Variants in RBBP8 observed in about 807,000 individuals in gnomAD.
RBBP8 encodes RB binding protein 8, endonuclease.
A neutral mutation model predicts 108.3 loss-of-function variants in RBBP8; 88 were observed. The observed-to-expected ratio is 0.81, with a 90% CI of 0.68 to 0.97. The LOEUF (loss-of-function observed/expected upper bound fraction) is 0.97. Ranked by LOEUF, RBBP8 falls within the 50% of genes least tolerant of loss-of-function variation. The pLI, the probability that RBBP8 is intolerant of heterozygous loss-of-function variation, is 0.00. For synonymous variants in RBBP8, 332 were observed against 348.2 expected, an observed-to-expected ratio of 0.95 and a Z score of 0.52; for missense variants, 1,023 against 1,049.0, an observed-to-expected ratio of 0.98 and a Z score of 0.34.
intron 16 of RBBP8, 108 bp downstream of exon 16, chr18:23,006,540 C>CTTTAAAA: frequency 1.0e-6 from 1 of 988,810 alleles, no homozygotes; most frequent in Non-Finnish European, 1.6e-6. Context: ...CTTGCTCTGT[C>CTTTAAAA]ACCCAGGCTA....
At chr18:22,954,485 C>T (rs966352161) in intron 4 of RBBP8, among the ~76,000 whole-genome samples, 1 of 152,206 alleles carries the variant, frequency 6.6e-6, no homozygotes, top group African/African-American at 2.4e-5. Flanking sequence ...CATGCTGATA[C>T]AAGAGGTGGG....
chr18:22,983,331 A>G (rs2144660434), intron 7 of RBBP8, among the ~76,000 whole-genome samples: 1 of 152,362 alleles, frequency 6.6e-6, no homozygotes, highest in Admixed American at 6.5e-5. Context: ...CTTTAAACAA[A>G]TAAGCAGATC....
At chr18:22,933,071 G>C (rs1037060586), upstream of RBBP8, among the ~76,000 whole-genome samples, 1 of 152,246 alleles carries the variant, frequency 6.6e-6, no homozygotes, top group Non-Finnish European at 1.5e-5. Flanking sequence ...ACAGTGTACA[G>C]ATAACTTTCA....
In RBBP8 at chr18:23,022,190, G is replaced by T. The variant is rs140196819; in HGVS notation, c.2516G>T (p.Arg839Leu). The T allele has an allele frequency of 6.2e-7, 1 of 1,611,188 alleles. No homozygotes were observed. The highest frequency in any genetic ancestry group is 1.7e-5 in the Admixed American group (1 of 60,002). ...EKKLASCSRH[R>L]FRYIPPNTPE... ...AAATTGGCTTCCTGCTCAAGACACC[G>T]ATTCCGCTACATTCCACCCAACACA... The change falls in exon 18 of 19, where the codon CGA becomes CTA. Residue 839 changes from arginine to leucine, a missense_variant. Transcript: ENST00000327155.
chr18:22,990,549 ATAAAT>A (rs1206594629), intron 9 of RBBP8, among the ~76,000 whole-genome samples: 3 of 150,088 alleles, frequency 2.0e-5, no homozygotes, highest in Non-Finnish European at 4.5e-5. Flanking sequence ...TTAACATAAC[ATAAAT>A]TAATTATTTT....
chr18:22,966,081 A>G (rs958534226), intron 4 of RBBP8, among the ~76,000 whole-genome samples: 1 of 152,132 alleles, frequency 6.6e-6, no homozygotes, highest in Non-Finnish European at 1.5e-5. Flanking sequence ...TTTGCCCACC[A>G]GCTGCCTTGC....
At chr18:22,983,413 A>G (rs1194127153) in intron 7 of RBBP8, among the ~76,000 whole-genome samples, 1 of 152,226 alleles carries the variant, frequency 6.6e-6, no homozygotes, top group East Asian at 1.9e-4. Context: ...TCTAGTGGAA[A>G]ACAAAAGAAC....
chr18:22,962,927 G>A (rs760224221), intron 4 of RBBP8, among the ~76,000 whole-genome samples: 10 of 151,910 alleles, frequency 6.6e-5, no homozygotes, highest in Non-Finnish European at 1.2e-4. Flanking sequence ...CTTCTAATAC[G>A]CTATACAACT....
At chr18:22,927,702 TAA>T (rs1909844143) in intron 3 of RBBP8, among the ~76,000 whole-genome samples, 1 of 152,098 alleles carries the variant, frequency 6.6e-6, no homozygotes, top group African/African-American at 2.4e-5. Flanking sequence ...TAAAATATAT[TAA>T]GTTAATTTCA....
At chr18:22,990,601 A>G (rs1311594294) in intron 9 of RBBP8, among the ~76,000 whole-genome samples, 2 of 152,198 alleles carry the variant, frequency 1.3e-5, no homozygotes, top group South Asian at 2.1e-4. Flanking sequence ...TACATTCATA[A>G]TATTATGCAG....
intron 8 of RBBP8, among the ~76,000 whole-genome samples, 185 bp from the exon 9 acceptor site, chr18:22,989,036 G>T (rs955045743): frequency 6.6e-6 from 1 of 152,104 alleles, no homozygotes; most frequent in African/African-American, 2.4e-5. Context: ...GCATAGACCT[G>T]CAACTTATTG....
chr18:22,958,545 T>G (rs551180461), intron 4 of RBBP8, among the ~76,000 whole-genome samples: 25 of 152,360 alleles, frequency 1.6e-4, no homozygotes, highest in African/African-American at 5.3e-4. Context: ...TTAATTTTTT[T>G]TTGTTGTAGG....
rs1347977874 is a variant in RBBP8 at position 23,001,667 on chromosome 18, A to G, written c.2225A>G (p.Asp742Gly). The change falls in exon 15 of 19, where the codon GAC becomes GGC. Residue 742 changes from aspartate to glycine, a missense_variant. By Grantham distance (94) the Asp-to-Gly change is moderately conservative. Coordinates refer to ENST00000327155, the MANE Select transcript of RBBP8 (RefSeq NM_002894.3). ...GAAGAGTATGAATCCTGTTTGGCAG[A>G]CAGTTTCTCCCAAGCAGCAGATGAA... is the stretch of plus-strand genomic sequence containing the variant. ...THEEYESCLA[D>G]SFSQAADEEE... The G allele has an allele frequency of 6.2e-7, 1 of 1,614,144 alleles. No homozygotes were observed. Among genetic ancestry groups the G allele is most frequent in the Admixed American group, 1.7e-5 (1 of 60,030 alleles).
chr18:22,970,426 A>G (rs1157976501), intron 5 of RBBP8, among the ~76,000 whole-genome samples: 1 of 152,192 alleles, frequency 6.6e-6, no homozygotes, highest in Admixed American at 6.5e-5. Flanking sequence ...GTATAAGACA[A>G]CGTTTTTTTA....
intron 3 of RBBP8, among the ~76,000 whole-genome samples, chr18:22,923,424 C>A (rs1956970691): frequency 6.6e-6 from 1 of 152,180 alleles, no homozygotes; most frequent in South Asian, 2.1e-4. Flanking sequence ...TGCCTTCTGC[C>A]TGGAAAGCCT....
At chr18:23,000,313 G>T (rs1162394829) in intron 14 of RBBP8, among the ~76,000 whole-genome samples, 1 of 152,060 alleles carries the variant, frequency 6.6e-6, no homozygotes, top group Admixed American at 6.6e-5. Context: ...TGGGAAATGT[G>T]GTTAGATCTG....
chr18:22,985,573 AGAGT>A, intron 8 of RBBP8, among the ~76,000 whole-genome samples: 1 of 152,150 alleles, frequency 6.6e-6, no homozygotes, highest in East Asian at 1.9e-4. Flanking sequence ...TGGCTGGAGC[AGAGT>A]GAGTAAAGGG....
intron 4 of RBBP8, among the ~76,000 whole-genome samples, chr18:22,958,265 C>G (rs1228944262): frequency 6.6e-6 from 1 of 152,208 alleles, no homozygotes; most frequent in Non-Finnish European, 1.5e-5. Flanking sequence ...TAAATATTCA[C>G]TGCAGAGCTA....
intron 5 of RBBP8, among the ~76,000 whole-genome samples, chr18:22,970,716 C>G (rs1364775644): frequency 5.3e-5 from 8 of 151,938 alleles, no homozygotes; most frequent in Non-Finnish European, 1.2e-4. Flanking sequence ...TTAAATTGCC[C>G]TATTTGCTGT....
Sources: gnomAD v4.1 joint callset for allele counts (sites outside exome capture counted in the v4.1 genomes callset) on GRCh38, gnomAD v4.1.1 for gene constraint, MANE v1.5 for transcripts, NCBI Gene and HGNC (gene_info 2026-07-23, HGNC 2026-07-21) for gene names.